DLGAP4: variants seen among roughly 807,000 people sequenced by gnomAD.
DLGAP4 encodes DLG associated protein 4.
DLGAP4 carries 18 observed loss-of-function variants against 86.9 expected under a neutral mutation model. The ratio of observed to expected loss-of-function variants is 0.21; its 90% CI spans 0.14 to 0.31. The LOEUF is 0.31. Among genes scored for constraint, DLGAP4 ranks in the 10% least tolerant of loss-of-function variants. The probability of loss-of-function intolerance (pLI) is 1.00; values close to 1 mark genes in which losing one functional copy is unlikely to be tolerated. For missense variants in DLGAP4, 1,085 were observed against 1,362.6 expected (o/e 0.80, Z 3.21); for synonymous variants, 548 against 574.3 (o/e 0.95, Z 0.65).
At chr20:36,384,831 C>T (rs1180617086) in intron 2 of DLGAP4, among the ~76,000 whole-genome samples, 1 of 152,106 alleles carries the variant, frequency 6.6e-6, no homozygotes, top group Non-Finnish European at 1.5e-5. Flanking sequence ...AGAAAGTGCC[C>T]ATTTACTGTG....
intron 2 of DLGAP4, among the ~76,000 whole-genome samples, chr20:36,373,284 C>T (rs2031015151): frequency 6.6e-6 from 1 of 152,228 alleles, no homozygotes; most frequent in Non-Finnish European, 1.5e-5. Context: ...ACCTCAGGGC[C>T]ACCAGGACTT....
chr20:36,461,659 CCCCG>C (rs1424594450), intron 7 of DLGAP4: 3 of 109,112 alleles, frequency 2.7e-5, no homozygotes, highest in East Asian at 2.1e-3. Context: ...ACGGGGGCCG[CCCCG>C]CCCGGCCCGG....
chr20:36,335,155 G>A (rs79083748), intron 1 of DLGAP4, among the ~76,000 whole-genome samples: 3,081 of 152,224 alleles, frequency 0.02, 125 homozygotes, highest in African/African-American at 0.071. Context: ...TTGAGATGGG[G>A]GCTGTGAAGC....
chr20:36,507,943 G>A (rs2036471554), intron 10 of DLGAP4: 1 of 152,318 alleles, frequency 6.6e-6, no homozygotes, highest in South Asian at 2.1e-4. Flanking sequence ...CAGCCCCTGT[G>A]TATGTCCCTC....
intron 1 of DLGAP4, among the ~76,000 whole-genome samples, chr20:36,321,164 C>T (rs576995986): frequency 3.3e-5 from 5 of 152,260 alleles, no homozygotes; most frequent in Middle Eastern, 3.4e-3. Context: ...GAAGGCTTCT[C>T]GGAGGAGGGA....
intron 1 of DLGAP4, among the ~76,000 whole-genome samples, chr20:36,356,389 G>T (rs2030328836): frequency 6.6e-6 from 1 of 152,174 alleles, no homozygotes; most frequent in Non-Finnish European, 1.5e-5. Flanking sequence ...TTGGCTCACT[G>T]CAACCTCCGC....
chr20:36,308,985 A>C lies in DLGAP4; in HGVS notation c.-304+2473A>C, dbSNP rs1600388091. ...TCCCCCAACTAGCTACTTTCTAGCC[A>C]CCTCTTGCTCCCCACCCCCTCCCTC... On this transcript the variant is annotated intron_variant, in intron 1 of 12. Transcript: ENST00000339266. The surrounding 1 kb of genome is among the most constrained non-coding windows in gnomAD (Gnocchi z 4.5). Among the ~76,000 whole-genome samples the C allele has an allele frequency of 2.1e-5, 3 of 144,042 alleles. No individual in the cohort carries two copies. Among genetic ancestry groups the C allele is most frequent in the Non-Finnish European group, 3.0e-5 (2 of 65,872 alleles). The allele number at this position is 144,042 out of a possible 152,430, so 94.5% of individuals were successfully genotyped here. A position where few individuals can be genotyped will look rare whatever the true frequency, so the allele number is the denominator to read the frequency against.
chr20:36,368,308 A>T (rs1355301491), intron 2 of DLGAP4, among the ~76,000 whole-genome samples: 1 of 152,230 alleles, frequency 6.6e-6, no homozygotes, highest in South Asian at 2.1e-4. Context: ...TCTGGTCCCA[A>T]TTCTCTCATC....
intron 2 of DLGAP4, among the ~76,000 whole-genome samples, chr20:36,383,983 C>CA (rs970619133): frequency 0.034 from 2,222 of 64,466 alleles, 37 homozygotes; most frequent in Admixed American, 0.07. Context: ...GACTCCGTCT[C>CA]AAAAAAAAAA....
chr20:36,503,775 G>A (rs1181473342), intron 10 of DLGAP4, among the ~76,000 whole-genome samples: 1 of 152,166 alleles, frequency 6.6e-6, no homozygotes, highest in Non-Finnish European at 1.5e-5. Flanking sequence ...GATTACAGGC[G>A]TGAGCCACTG....
At chr20:36,518,531 A>AC (rs1569525423) in intron 10 of DLGAP4, among the ~76,000 whole-genome samples, 1 of 151,928 alleles carries the variant, frequency 6.6e-6, no homozygotes, top group South Asian at 2.1e-4. Context: ...TTTCTCTTTA[A>AC]CTACTACTTT....
chr20:36,436,231 C>T lies in DLGAP4; in HGVS notation c.1122C>T (p.Gly374=). Residue 374 remains glycine (G), a synonymous_variant, in exon 4 of 13, where the codon GGC becomes GGT. Transcript: ENST00000339266. ...MRSGSYIKAM[G]DEDSDESGGS... ...GCGGCAGCTACATCAAGGCCATGGG[C>T]GACGAGGACAGCGACGAGTCCGGCG... The T allele has an allele frequency of 1.2e-5, 19 of 1,605,506 alleles. No homozygotes were observed. Among genetic ancestry groups the T allele is most frequent in the Non-Finnish European group, 1.6e-5 (19 of 1,179,382 alleles).
In DLGAP4 at chr20:36,423,381, G is replaced by A. The variant is rs139435584; in HGVS notation, c.-72-8265G>A. On this transcript the variant is annotated intron_variant, in intron 2 of 12. Coordinates refer to ENST00000339266, the MANE Select transcript of DLGAP4 (RefSeq NM_001365621.2). ...TGAGGCAGGAGAATTCCTTGAACTC[G>A]GGGGGCAGAGGTTGCAGTGAGCCAA... 5.0e-3 allele frequency among the ~76,000 whole-genome samples: 744 copies of A among 150,140 alleles called. 8 individuals are homozygous for A. The highest frequency in any genetic ancestry group is 0.018 in the African/African-American group (722 of 40,746).
chr20:36,473,459 G>C (rs2034767805), intron 7 of DLGAP4, among the ~76,000 whole-genome samples: 1 of 152,166 alleles, frequency 6.6e-6, no homozygotes, highest in African/African-American at 2.4e-5. Flanking sequence ...GGAAGCTGGT[G>C]AGAGAGTATC....
chr20:36,408,995 G>A (rs975101356), intron 2 of DLGAP4, among the ~76,000 whole-genome samples: 5 of 149,946 alleles, frequency 3.3e-5, no homozygotes, highest in African/African-American at 4.9e-5. Flanking sequence ...TATACTATCT[G>A]CAACCTAGAA....
intron 11 of DLGAP4, among the ~76,000 whole-genome samples, chr20:36,525,086 C>T (rs1432020088): frequency 2.8e-5 from 4 of 140,510 alleles, no homozygotes; most frequent in Non-Finnish European, 4.7e-5. Context: ...GGCGTAGTGG[C>T]GGGTGCCTGT....
At position 36,400,147 on chromosome 20, in the gene DLGAP4, T is replaced by A. The variant is rs369658092; in HGVS notation, c.-72-31499T>A. Reference sequence around the variant, plus strand: ...TGTATACAAGCTTGAAGTACCTTTTTACCCAGTTTTAATATACCAGGAATG... The same window carrying A: ...TGTATACAAGCTTGAAGTACCTTTTAACCCAGTTTTAATATACCAGGAATG... On this transcript the variant is annotated intron_variant, in intron 2 of 12. Coordinates refer to ENST00000339266, the MANE Select transcript of DLGAP4 (RefSeq NM_001365621.2). Among the ~76,000 whole-genome samples, 10 of 152,370 alleles carry A rather than the reference T, an allele frequency of 6.6e-5. No homozygotes were observed. The South Asian group carries it at 2.1e-3, about 32-fold the overall frequency.
intron 10 of DLGAP4, among the ~76,000 whole-genome samples, chr20:36,502,972 G>A (rs551692766): frequency 1.3e-3 from 196 of 152,074 alleles, no homozygotes; most frequent in Admixed American, 5.3e-3. Flanking sequence ...TAATCCGCCC[G>A]GCTTGGCTTC....
At chr20:36,433,040 C>T (rs1348680818) in intron 3 of DLGAP4, among the ~76,000 whole-genome samples, 2 of 152,140 alleles carry the variant, frequency 1.3e-5, no homozygotes, top group African/African-American at 2.4e-5. Flanking sequence ...TAATTGCCAG[C>T]CTCTCCCTGC....
Sources: allele counts gnomAD v4.1 joint callset (sites outside exome capture counted in the v4.1 genomes callset), GRCh38; gene constraint gnomAD v4.1.1; non-coding constraint Gnocchi (gnomAD v3.1); transcripts MANE v1.5; gene names NCBI Gene and HGNC (gene_info 2026-07-23, HGNC 2026-07-21).